YPEL2: variants seen among roughly 807,000 people sequenced by gnomAD.
YPEL2 encodes the protein protein yippee-like 2.
Under a neutral mutation model 19.1 loss-of-function variants are expected in YPEL2, and 2 were observed. That is an observed-to-expected ratio of 0.10 (90% CI 0.04 to 0.33). The LOEUF (loss-of-function observed/expected upper bound fraction) is 0.33. Ranked by LOEUF, YPEL2 falls within the 10% of genes least tolerant of loss-of-function variation. YPEL2 has a pLI of 1.00. For missense variants in YPEL2, 66 were observed against 140.7 expected (o/e 0.47, Z 2.68); for synonymous variants, 52 against 50.0 (o/e 1.04, Z -0.17).
chr17:59,373,084 C>T (rs1598043664), intron 2 of YPEL2, among the ~76,000 whole-genome samples: 1 of 152,190 alleles, frequency 6.6e-6, no homozygotes, highest in African/African-American at 2.4e-5. Context: ...GTTGGCCAGG[C>T]TGGTCTTGAA....
At chr17:59,373,613 T>C (rs923492245) in intron 2 of YPEL2, among the ~76,000 whole-genome samples, 4 of 152,254 alleles carry the variant, frequency 2.6e-5, no homozygotes, top group Non-Finnish European at 4.4e-5. Flanking sequence ...GCTCATTAGA[T>C]ATTTGTTGAT....
intron 4 of YPEL2, among the ~76,000 whole-genome samples, chr17:59,395,692 C>A (rs2048035297): frequency 6.6e-6 from 1 of 152,100 alleles, no homozygotes; most frequent in Admixed American, 6.5e-5. Context: ...ATAGAAGCAG[C>A]AAGAAAAACC....
intron 1 of YPEL2, among the ~76,000 whole-genome samples, chr17:59,332,191 C>T (rs2047674239): frequency 1.3e-5 from 2 of 152,042 alleles, no homozygotes; most frequent in South Asian, 2.1e-4. Context: ...TCCGCGTCGT[C>T]CCCATGGGTT....
chr17:59,376,802 A>G (rs1024851872), intron 2 of YPEL2, among the ~76,000 whole-genome samples: 7 of 151,934 alleles, frequency 4.6e-5, no homozygotes, highest in African/African-American at 1.5e-4. Context: ...ATTAGAAAAT[A>G]GTCAGGCGTG....
intron 2 of YPEL2, among the ~76,000 whole-genome samples, chr17:59,372,132 C>T (rs1254599938): frequency 1.3e-5 from 2 of 152,200 alleles, no homozygotes; most frequent in African/African-American, 4.8e-5. Flanking sequence ...AACTGGGCCT[C>T]TGTGTATAAG....
chr17:59,348,747 G>C (rs1009275218), intron 1 of YPEL2, among the ~76,000 whole-genome samples: 3 of 152,178 alleles, frequency 2.0e-5, no homozygotes, highest in African/African-American at 4.8e-5. Flanking sequence ...GATGACTGTT[G>C]GAAATCAATT....
intron 2 of YPEL2, among the ~76,000 whole-genome samples, chr17:59,358,282 A>T (rs2047823295): frequency 6.6e-6 from 1 of 152,224 alleles, no homozygotes; most frequent in Non-Finnish European, 1.5e-5. Flanking sequence ...TTGGGCTTAC[A>T]GTGGTGACAT....
In YPEL2 at chr17:59,331,669, A is replaced by T. The variant is rs1319099811; in HGVS notation, c.-351A>T. 1.3e-5 allele frequency: 2 copies of T among 153,232 alleles called. No homozygotes were observed. The highest frequency in any genetic ancestry group is 4.8e-5 in the African/African-American group (2 of 41,448). 9.5% of individuals were successfully genotyped at this position (153,232 alleles called of 1,614,324 possible). A position where few individuals can be genotyped will look rare whatever the true frequency, so the allele number is the denominator to read the frequency against. On this transcript the variant is annotated 5_prime_UTR_variant, in exon 1 of 5. Coordinates refer to ENST00000312655, the MANE Select transcript of YPEL2 (RefSeq NM_001005404.4). ...CATCACGGGGTAGCCCCCGGCCCGG[A>T]CCCGGAGGGATGCGGAGTGGCGGCC...
chr17:59,396,937 A>G (rs921736334), intron 4 of YPEL2, among the ~76,000 whole-genome samples, 164 bp from the exon 5 acceptor site: 1 of 152,166 alleles, frequency 6.6e-6, no homozygotes, highest in Non-Finnish European at 1.5e-5. Flanking sequence ...AGGCTGAGGC[A>G]GGAGAATCGC....
intron 2 of YPEL2, chr17:59,362,923 TG>T (rs1259639392): frequency 1.3e-5 from 2 of 152,160 alleles, no homozygotes; most frequent in African/African-American, 4.8e-5. Context: ...CAATATTTCT[TG>T]TGCTTTAAAC....
chr17:59,375,230 A>G (rs971401704), intron 2 of YPEL2, among the ~76,000 whole-genome samples: 1 of 152,156 alleles, frequency 6.6e-6, no homozygotes, highest in Admixed American at 6.5e-5. Flanking sequence ...CTGTGAGTGT[A>G]TTTAAAACTG....
intron 4 of YPEL2, among the ~76,000 whole-genome samples, chr17:59,395,174 T>C (rs1198318443): frequency 6.6e-6 from 1 of 152,188 alleles, no homozygotes; most frequent in Non-Finnish European, 1.5e-5. Flanking sequence ...CAATGGACCT[T>C]ATTCCCAAAA....
At chr17:59,348,563 CTT>C (rs2047768923) in intron 1 of YPEL2, among the ~76,000 whole-genome samples, 1 of 152,210 alleles carries the variant, frequency 6.6e-6, no homozygotes, top group Non-Finnish European at 1.5e-5. Flanking sequence ...TATCGAAGAT[CTT>C]TGTTTTTAAT....
intron 4 of YPEL2, 85 bp from the exon 5 acceptor site, chr17:59,397,016 G>A: frequency 9.8e-7 from 1 of 1,018,208 alleles, no homozygotes; most frequent in Non-Finnish European, 1.4e-6. Context: ...GGGTGACAGA[G>A]TGAGACTGCC....
rs567569261 is a variant in YPEL2 at position 59,361,354 on chromosome 17, A to G, written c.117+7828A>G. Among the ~76,000 whole-genome samples the G allele has an allele frequency of 3.2e-4, 48 of 152,270 alleles. No homozygotes were observed. In the South Asian group the frequency reaches 9.5e-3, roughly 30 times the overall value. ...ATTCTAGATATTATAATACTACTCAAAAATTTTGTCAGGGAACTTTTATCC... is the reference window on the plus strand; with the variant it reads ...ATTCTAGATATTATAATACTACTCAGAAATTTTGTCAGGGAACTTTTATCC... On this transcript the variant is annotated intron_variant, in intron 2 of 4. Transcript: ENST00000312655.
chr17:59,380,427 G>A (rs138147261), intron 2 of YPEL2, among the ~76,000 whole-genome samples: 2,037 of 151,508 alleles, frequency 0.013, 48 homozygotes, highest in African/African-American at 0.046. Flanking sequence ...GCATCACCAC[G>A]CCCAGCTAAT....
At chr17:59,382,603 AT>A (rs1243225287) in intron 2 of YPEL2, among the ~76,000 whole-genome samples, 1 of 152,242 alleles carries the variant, frequency 6.6e-6, no homozygotes, top group Non-Finnish European at 1.5e-5. Flanking sequence ...TAAGCATACA[AT>A]TTTTAATGAA....
At position 59,353,572 on chromosome 17, in the gene YPEL2, C is replaced by T; in HGVS notation, c.117+46C>T. The T allele has an allele frequency of 7.3e-7, 1 of 1,377,910 alleles. No individual in the cohort carries two copies. Among genetic ancestry groups the T allele is most frequent in the African/African-American group, 1.4e-5 (1 of 70,368 alleles). 85.4% of individuals were successfully genotyped at this position (1,377,910 alleles called of 1,614,324 possible). On this transcript the variant is annotated intron_variant, in intron 2 of 4. Transcript: ENST00000312655. The surrounding 1 kb of genome is among the most constrained non-coding windows in gnomAD (Gnocchi z 4.8). ...TTCCTTGCCTACCCCGGGGAGGGCG[C>T]TTAGTGCTCCTGAAGTTGCAGAGGT...
rs1031179703 is a variant in YPEL2 at position 59,398,241 on chromosome 17, C to G, written c.*1051C>G. ...CAGGAGGAGGGGTTTACATTGGAAC[C>G]AGTTCAGGTTCGGTGCATCTTTCCT... On this transcript the variant is annotated 3_prime_UTR_variant, in exon 5 of 5. Transcript: ENST00000312655. 1 of 152,206 alleles carries G rather than the reference C, an allele frequency of 6.6e-6. No homozygotes were observed. The highest frequency in any genetic ancestry group is 2.1e-4 in the South Asian group (1 of 4,828). The allele number at this position is 152,206 out of a possible 1,614,324, so 9.4% of individuals were successfully genotyped here.
Sources: allele counts gnomAD v4.1 joint callset (sites outside exome capture counted in the v4.1 genomes callset), GRCh38; gene constraint gnomAD v4.1.1; non-coding constraint Gnocchi (gnomAD v3.1); transcripts MANE v1.5; gene names NCBI Gene and HGNC (gene_info 2026-07-23, HGNC 2026-07-21).